The following NLGN4X variants were observed in gnomAD, a reference collection of about 807,000 sequenced individuals.
The protein encoded by NLGN4X is neuroligin 4 X-linked.
Under a neutral mutation model 40.3 loss-of-function variants are expected in NLGN4X, and 3 were observed. The ratio of observed to expected loss-of-function variants is 0.07; its 90% CI spans 0.03 to 0.19. The LOEUF is 0.19. Among genes scored for constraint, NLGN4X ranks in the 10% least tolerant of loss-of-function variants. NLGN4X has a pLI of 1.00. For missense variants in NLGN4X, 382 were observed against 708.3 expected (o/e 0.54, Z 5.23); for synonymous variants, 270 against 306.8 (o/e 0.88, Z 1.25).
chrX:6,081,259 G>T (rs933309686), intron 2 of NLGN4X, among the ~76,000 whole-genome samples: 3 of 111,752 alleles, frequency 2.7e-5, no homozygotes, highest in African/African-American at 9.8e-5. Context: ...CTGCAATCCA[G>T]CCTGGGTGAC....
intron 3 of NLGN4X, among the ~76,000 whole-genome samples, chrX:5,931,922 G>T (rs1037628218): frequency 9.0e-6 from 1 of 111,441 alleles, no homozygotes; most frequent in African/African-American, 3.3e-5. Context: ...AAAGTATTAA[G>T]TTCACTCTTG....
chrX:6,224,992 A>ATG (rs1926042490), intron 1 of NLGN4X, among the ~76,000 whole-genome samples: 1 of 52,056 alleles, frequency 1.9e-5, no homozygotes, highest in African/African-American at 8.2e-5. Flanking sequence ...ATATATATAT[A>ATG]TATATATATA....
At chrX:6,047,596 T>C (rs909427409) in intron 2 of NLGN4X, among the ~76,000 whole-genome samples, 1 of 112,333 alleles carries the variant, frequency 8.9e-6, no homozygotes, top group Non-Finnish European at 1.9e-5. Context: ...GCAGAGGCTG[T>C]TATTTCCAGA....
chrX:5,961,741 G>C (rs1184840925), intron 3 of NLGN4X, among the ~76,000 whole-genome samples: 1 of 112,053 alleles, frequency 8.9e-6, no homozygotes, highest in African/African-American at 3.2e-5. Flanking sequence ...GCAGTTCTTT[G>C]CCGTGGATAC....
chrX:6,022,645 C>T (rs760940774), intron 3 of NLGN4X, among the ~76,000 whole-genome samples: 6 of 111,579 alleles, frequency 5.4e-5, no homozygotes, highest in African/African-American at 1.3e-4. Flanking sequence ...TTGGGAAGAA[C>T]GTATTGGTCC....
At chrX:6,136,070 C>G (rs1000093093) in intron 2 of NLGN4X, among the ~76,000 whole-genome samples, 6 of 111,520 alleles carry the variant, frequency 5.4e-5, no homozygotes, top group African/African-American at 2.0e-4. Context: ...AAATCCATGT[C>G]TTTTTTTAGA....
intron 1 of NLGN4X, among the ~76,000 whole-genome samples, chrX:6,196,831 T>C (rs1039638265): frequency 1.8e-5 from 2 of 111,448 alleles, no homozygotes; most frequent in Non-Finnish European, 3.8e-5. Flanking sequence ...TGCCTCTTCA[T>C]AAAGGAAAAC....
intron 1 of NLGN4X, among the ~76,000 whole-genome samples, chrX:6,196,412 C>T (rs1161467825): frequency 4.6e-5 from 5 of 108,654 alleles, no homozygotes; most frequent in Non-Finnish European, 7.7e-5. Context: ...ATTAGCCGGG[C>T]GTGGTGGCGG....
intron 1 of NLGN4X, among the ~76,000 whole-genome samples, chrX:6,160,551 G>A (rs1443542901): frequency 9.7e-6 from 1 of 103,215 alleles, no homozygotes; most frequent in Non-Finnish European, 2.0e-5. Context: ...TTTTTTTTGA[G>A]ACAGAGTTTC....
rs995332447 is a variant in NLGN4X, at chrX:6,054,576, T to C, written c.473-25144A>G. On this transcript the variant is annotated intron_variant, in intron 2 of 5. Coordinates refer to ENST00000381095, the MANE Select transcript of NLGN4X (RefSeq NM_181332.3). Reference sequence around the variant, plus strand: ...TCAAGGTTGCAGTGAGCTATGATCATACCACTCCAATCTGAAAGACAGAGC... The same window carrying C: ...TCAAGGTTGCAGTGAGCTATGATCACACCACTCCAATCTGAAAGACAGAGC... Among the ~76,000 whole-genome samples, 6 of 111,192 alleles carry C rather than the reference T, an allele frequency of 5.4e-5. No homozygotes were observed. The Admixed American group carries it at 5.8e-4, about 11-fold the overall frequency.
chrX:5,961,929 T>G (rs2146981760), intron 3 of NLGN4X, among the ~76,000 whole-genome samples: 1 of 112,239 alleles, frequency 8.9e-6, no homozygotes, highest in Non-Finnish European at 1.9e-5. Flanking sequence ...TAAGAGGACA[T>G]CTCTCTACGA....
chrX:6,026,836 T>G (rs2036707473), intron 3 of NLGN4X, among the ~76,000 whole-genome samples: 1 of 111,819 alleles, frequency 8.9e-6, no homozygotes, highest in Non-Finnish European at 1.9e-5. Context: ...CAATTAGTTT[T>G]TTTTTCCTCT....
At chrX:5,979,068 T>A (rs2035296194) in intron 3 of NLGN4X, among the ~76,000 whole-genome samples, 1 of 111,586 alleles carries the variant, frequency 9.0e-6, no homozygotes, top group African/African-American at 3.3e-5. Flanking sequence ...CCCATATCCC[T>A]TTATAATCTA....
At chrX:6,218,657 A>G (rs1412926787) in intron 1 of NLGN4X, among the ~76,000 whole-genome samples, 2 of 112,193 alleles carry the variant, frequency 1.8e-5, no homozygotes, top group African/African-American at 6.5e-5. Context: ...TTTTGAATAA[A>G]TTCGTGAAAT....
At chrX:6,193,396 G>A (rs1922738838) in intron 1 of NLGN4X, among the ~76,000 whole-genome samples, 2 of 66,793 alleles carry the variant, frequency 3.0e-5, no homozygotes, top group Admixed American at 2.5e-4. Context: ...GCGACAGAAC[G>A]AGACTCCGTC....
At position 5,900,905 on chromosome X, in the gene NLGN4X, A is replaced by G. The variant is rs1172087234; in HGVS notation, c.1601+2172T>C. On this transcript the variant is annotated intron_variant, in intron 5 of 5. Coordinates refer to ENST00000381095, the MANE Select transcript of NLGN4X (RefSeq NM_181332.3). The stretch of plus-strand genomic sequence containing the variant: ...TAGCCATACAGTTTTGGATACTCTG[A>G]TAACAGCAGTCCCAACAAACTAATA... Among the ~76,000 whole-genome samples the G allele has an allele frequency of 2.7e-5, 3 of 111,226 alleles. No individual in the cohort carries two copies. In the Admixed American group the frequency reaches 2.9e-4, roughly 11 times the overall value.
At chrX:6,054,276 A>G (rs777295626) in intron 2 of NLGN4X, among the ~76,000 whole-genome samples, 2 of 111,707 alleles carry the variant, frequency 1.8e-5, no homozygotes, top group South Asian at 7.5e-4. Context: ...TGCCAACAAT[A>G]CTATCAGAAT....
chrX:5,892,578 G>A lies in NLGN4X; in HGVS notation c.*239C>T. 1 of 413,019 alleles carries A rather than the reference G, an allele frequency of 2.4e-6. No individual in the cohort carries two copies. Among genetic ancestry groups the A allele is most frequent in the South Asian group, 3.4e-5 (1 of 29,419 alleles). 34.0% of individuals were successfully genotyped at this position (413,019 alleles called of 1,213,427 possible). A position where few individuals can be genotyped will look rare whatever the true frequency, so the allele number is the denominator to read the frequency against. ...TTAAAGCAGTTATTTTAACAGAAAT[G>A]TGTACTTCTCACATTTCACAGGGTC... is the stretch of plus-strand genomic sequence containing the variant. On this transcript the variant is annotated 3_prime_UTR_variant, in exon 6 of 6. Coordinates refer to ENST00000381095, the MANE Select transcript of NLGN4X (RefSeq NM_181332.3).
At chrX:6,062,130 C>G (rs1231835026) in intron 2 of NLGN4X, among the ~76,000 whole-genome samples, 1 of 111,706 alleles carries the variant, frequency 9.0e-6, no homozygotes, top group African/African-American at 3.3e-5. Context: ...AACATTTAAA[C>G]TTTGATGATA....
Sources: gnomAD v4.1 joint callset for allele counts (sites outside exome capture counted in the v4.1 genomes callset) on GRCh38, gnomAD v4.1.1 for gene constraint, MANE v1.5 for transcripts, NCBI Gene and HGNC (gene_info 2026-07-23, HGNC 2026-07-21) for gene names.